The following PDLIM5 variants were observed in gnomAD, a reference collection of about 807,000 sequenced individuals.
The protein encoded by PDLIM5 is PDZ and LIM domain 5.
In PDLIM5, 34 loss-of-function variants were observed where a neutral mutation model predicts 64.2. The ratio of observed to expected loss-of-function variants is 0.53; its 90% CI spans 0.40 to 0.71. The LOEUF is 0.71. Among genes scored for constraint, PDLIM5 ranks in the 30% least tolerant of loss-of-function variants. The pLI is 0.00. For synonymous variants in PDLIM5, 253 were observed against 269.1 expected (o/e 0.94, Z 0.59); for missense variants, 683 against 733.6 (o/e 0.93, Z 0.80).
At chr4:94,575,400 A>G (rs1249255561) in intron 4 of PDLIM5, among the ~76,000 whole-genome samples, 2 of 152,160 alleles carry the variant, frequency 1.3e-5, no homozygotes, top group Non-Finnish European at 2.9e-5. Flanking sequence ...TTTAAAAATT[A>G]TACCTAATGT....
At chr4:94,491,999 C>G (rs1417912345) in intron 2 of PDLIM5, among the ~76,000 whole-genome samples, 1 of 151,832 alleles carries the variant, frequency 6.6e-6, no homozygotes, top group Non-Finnish European at 1.5e-5. Flanking sequence ...ACTTATTTCT[C>G]CTGTCTGTCT....
intron 11 of PDLIM5, 95 bp downstream of exon 11, chr4:94,657,642 G>C: frequency 1.2e-6 from 1 of 861,884 alleles, no homozygotes. Flanking sequence ...ATTAGGCAAA[G>C]TTATTTTCTT....
chr4:94,635,235 CA>C (rs1385099566), intron 8 of PDLIM5, among the ~76,000 whole-genome samples: 8 of 152,088 alleles, frequency 5.3e-5, no homozygotes, highest in African/African-American at 1.7e-4. Flanking sequence ...AATTTTCAAA[CA>C]AGCTCCCAGG....
intron 2 of PDLIM5, among the ~76,000 whole-genome samples, chr4:94,469,960 ATTTTT>A (rs34572366): frequency 1.4e-5 from 1 of 71,556 alleles, no homozygotes; most frequent in African/African-American, 6.1e-5. Flanking sequence ...CATTCTTTTA[ATTTTT>A]TTTTTTTTTT....
chr4:94,508,545 T>C (rs1020267123), intron 2 of PDLIM5, among the ~76,000 whole-genome samples: 2 of 152,134 alleles, frequency 1.3e-5, no homozygotes, highest in Non-Finnish European at 2.9e-5. Flanking sequence ...CTGAAGACTT[T>C]CTCATCTTCT....
At chr4:94,534,845 G>T (rs1289114960) in intron 3 of PDLIM5, among the ~76,000 whole-genome samples, 1 of 152,092 alleles carries the variant, frequency 6.6e-6, no homozygotes, top group African/African-American at 2.4e-5. Flanking sequence ...GTAGGTAGTC[G>T]GGTAACTACT....
chr4:94,648,508 C>G (rs1741590043), intron 9 of PDLIM5, among the ~76,000 whole-genome samples: 1 of 152,172 alleles, frequency 6.6e-6, no homozygotes, highest in Non-Finnish European at 1.5e-5. Flanking sequence ...TTAGTAGAGA[C>G]AGTCTGGCCT....
chr4:94,494,429 C>CTTTTTTTTTTTTTTTTTTTTTTT (rs1261064734), intron 2 of PDLIM5, among the ~76,000 whole-genome samples: 1 of 51,598 alleles, frequency 1.9e-5, no homozygotes, highest in African/African-American at 4.8e-5. Context: ...TTTTTTTTTT[C>CTTTTTTTTTTTTTTTTTTTTTTT]TTGTTTTTTT....
At chr4:94,520,129 A>G (rs1023701891) in intron 2 of PDLIM5, among the ~76,000 whole-genome samples, 2 of 152,190 alleles carry the variant, frequency 1.3e-5, no homozygotes, top group African/African-American at 4.8e-5. Context: ...GGCAGTTCCA[A>G]CATGTACAGC....
chr4:94,625,384 T>C (rs1272577888), intron 8 of PDLIM5, among the ~76,000 whole-genome samples: 2 of 152,204 alleles, frequency 1.3e-5, no homozygotes, highest in South Asian at 2.1e-4. Context: ...TAAAAACATA[T>C]ATTGATATTA....
chr4:94,564,656 C>CTTTTTTTTTTT (rs768721210), intron 3 of PDLIM5, among the ~76,000 whole-genome samples: 1,369 of 104,398 alleles, frequency 0.013, 88 homozygotes, highest in African/African-American at 0.026. Flanking sequence ...AATTTTGTCT[C>CTTTTTTTTTTT]TTTTTTTTTT....
At chr4:94,525,629 G>A (rs974320071) in intron 3 of PDLIM5, among the ~76,000 whole-genome samples, 9 of 152,280 alleles carry the variant, frequency 5.9e-5, no homozygotes, top group African/African-American at 1.9e-4. Flanking sequence ...ATTTACCTGA[G>A]TATCAATTTG....
At chr4:94,601,333 C>T (rs551185349) in intron 7 of PDLIM5, among the ~76,000 whole-genome samples, 5 of 152,220 alleles carry the variant, frequency 3.3e-5, no homozygotes, top group African/African-American at 9.6e-5. Flanking sequence ...GCGCTCTCTG[C>T]CTGTGTGACC....
chr4:94,587,130 CTTT>C (rs5860367), intron 7 of PDLIM5: 2 of 1,218,530 alleles, frequency 1.6e-6, no homozygotes, highest in Admixed American at 2.7e-5. Flanking sequence ...TTTTCATTTA[CTTT>C]TTTTTTTTCA....
chr4:94,558,494 T>G lies in PDLIM5; in HGVS notation c.249-14857T>G, dbSNP rs888435562. 9.2e-5 allele frequency among the ~76,000 whole-genome samples: 14 copies of G among 152,318 alleles called. No individual in the cohort carries two copies. The East Asian group carries it at 2.7e-3, about 29-fold the overall frequency. On this transcript the variant is annotated intron_variant, in intron 3 of 12. Transcript: ENST00000317968. ...TTCTTGCTGAATTTCCATTTTCCTG[T>G]CTACATATGAGTGTTCAACTATATT...
At chr4:94,495,610 C>G (rs1417801724) in intron 2 of PDLIM5, among the ~76,000 whole-genome samples, 1 of 152,058 alleles carries the variant, frequency 6.6e-6, no homozygotes, top group Admixed American at 6.6e-5. Context: ...GCAGAAGTGA[C>G]TTCTGAGCTG....
intron 3 of PDLIM5, among the ~76,000 whole-genome samples, chr4:94,553,885 G>A (rs1027459434): frequency 2.0e-5 from 3 of 151,952 alleles, no homozygotes; most frequent in African/African-American, 7.2e-5. Context: ...GTAAGCTTGT[G>A]GGAAATGTGA....
intron 8 of PDLIM5, among the ~76,000 whole-genome samples, chr4:94,621,070 C>CAA (rs10526750): frequency 2.5e-4 from 20 of 81,602 alleles, no homozygotes; most frequent in South Asian, 1.5e-3. Flanking sequence ...GACTCTGTCT[C>CAA]AAAAAAAAAA....
At chr4:94,510,110 G>T (rs1728741256) in intron 2 of PDLIM5, among the ~76,000 whole-genome samples, 1 of 152,136 alleles carries the variant, frequency 6.6e-6, no homozygotes, top group Non-Finnish European at 1.5e-5. Context: ...ATGTCAGGGG[G>T]CTCAACTGTT....
Sources: gnomAD v4.1 joint callset for allele counts (sites outside exome capture counted in the v4.1 genomes callset) on GRCh38, gnomAD v4.1.1 for gene constraint, MANE v1.5 for transcripts, NCBI Gene and HGNC (gene_info 2026-07-23, HGNC 2026-07-21) for gene names.